The following CHN1 variants were observed in gnomAD, a reference collection of about 807,000 sequenced individuals.
CHN1 encodes N-chimaerin.
A neutral mutation model predicts 59.5 loss-of-function variants in CHN1; 37 were observed. The observed-to-expected ratio is 0.62, with a 90% confidence interval of 0.48 to 0.82. The LOEUF is 0.82. CHN1 is among the 40% of genes least tolerant of loss of function. CHN1 has a pLI of 0.00. For synonymous variants in CHN1, 206 were observed against 200.4 expected, an observed-to-expected ratio of 1.03 and a Z score of -0.24; for missense variants, 469 against 571.0, an observed-to-expected ratio of 0.82 and a Z score of 1.82.
intron 1 of CHN1, among the ~76,000 whole-genome samples, chr2:174,978,281 T>C (rs1691018607): frequency 6.6e-6 from 1 of 152,208 alleles, no homozygotes; most frequent in Non-Finnish European, 1.5e-5. Flanking sequence ...TTCATGACAA[T>C]GACATCTTTT....
chr2:174,805,489 T>C (rs1684855543), intron 11 of CHN1, among the ~76,000 whole-genome samples: 1 of 152,156 alleles, frequency 6.6e-6, no homozygotes, highest in Non-Finnish European at 1.5e-5. Flanking sequence ...TTAAAAGGGA[T>C]TCCGGTGAAG....
intron 1 of CHN1, among the ~76,000 whole-genome samples, chr2:174,982,058 T>C (rs1282853439): frequency 6.6e-6 from 1 of 152,172 alleles, no homozygotes; most frequent in African/African-American, 2.4e-5. Context: ...TTGGTTTTTT[T>C]GTCCTTGCGA....
chr2:174,887,561 A>C (rs370564884), intron 5 of CHN1, among the ~76,000 whole-genome samples: 7 of 152,298 alleles, frequency 4.6e-5, no homozygotes, highest in African/African-American at 1.7e-4. Context: ...TAACTTGCCT[A>C]AAGTCATATA....
chr2:174,847,554 G>A, intron 6 of CHN1: 3 of 1,259,240 alleles, frequency 2.4e-6, no homozygotes, highest in Non-Finnish European at 3.1e-6. Context: ...CATACTGCCT[G>A]CAATCAGTTT....
At chr2:174,873,324 T>A (rs1687466885) in intron 6 of CHN1, among the ~76,000 whole-genome samples, 2 of 152,034 alleles carry the variant, frequency 1.3e-5, no homozygotes. Flanking sequence ...AAGCATAGCT[T>A]GAGCATGAAC....
intron 1 of CHN1, among the ~76,000 whole-genome samples, chr2:174,984,456 C>T (rs1005356242): frequency 6.6e-6 from 1 of 150,634 alleles, no homozygotes; most frequent in Non-Finnish European, 1.5e-5. Context: ...GCAACCTCTG[C>T]CTCTCCGGTT....
intron 5 of CHN1, among the ~76,000 whole-genome samples, chr2:174,879,172 G>A (rs1687661490): frequency 6.6e-6 from 1 of 152,094 alleles, no homozygotes; most frequent in African/African-American, 2.4e-5. Context: ...TAAAATAAAC[G>A]CTGTTTAAGT....
rs143460885 is a variant in CHN1 at position 174,815,936 on chromosome 2, T to A, written c.713-3454A>T. ...TTACAAAGTTTTTTTTAAATGCTAC[T>A]GCAGTGCTATTGTGCCTGCCCCACT... On this transcript the variant is annotated intron_variant, in intron 8 of 12. Transcript: ENST00000409900. 4.4e-3 allele frequency among the ~76,000 whole-genome samples: 676 copies of A among 152,312 alleles called. 6 individuals are homozygous for A. Among genetic ancestry groups the A allele is most frequent in the African/African-American group, 0.015 (637 of 41,572 alleles).
chr2:174,890,465 G>C (rs1451234050), intron 5 of CHN1, among the ~76,000 whole-genome samples: 1 of 152,160 alleles, frequency 6.6e-6, no homozygotes. Flanking sequence ...GGCTGAGGCA[G>C]AAGCATCATT....
intron 4 of CHN1, among the ~76,000 whole-genome samples, chr2:174,916,531 G>T (rs988024308): frequency 3.9e-5 from 6 of 152,120 alleles, no homozygotes; most frequent in African/African-American, 1.4e-4. Context: ...ACTTGAATTT[G>T]GAATGATACA....
chr2:175,002,945 A>G (rs552370944), intron 1 of CHN1, among the ~76,000 whole-genome samples: 26 of 152,316 alleles, frequency 1.7e-4, no homozygotes, highest in Admixed American at 1.3e-3. Flanking sequence ...ATCTCTCAAC[A>G]TACACAAAAA....
intron 6 of CHN1, among the ~76,000 whole-genome samples, chr2:174,863,079 C>T (rs1280730600): frequency 6.6e-6 from 1 of 152,180 alleles, no homozygotes; most frequent in East Asian, 1.9e-4. Flanking sequence ...CCACCCTAAA[C>T]TTGACAGCTT....
chr2:174,986,112 G>A (rs1014786338), intron 1 of CHN1, among the ~76,000 whole-genome samples: 1 of 151,970 alleles, frequency 6.6e-6, no homozygotes, highest in East Asian at 1.9e-4. Flanking sequence ...TAGCCAAACC[G>A]TCACACTGGA....
intron 3 of CHN1, 96 bp downstream of exon 3, chr2:174,944,792 G>T: frequency 1.3e-6 from 1 of 764,044 alleles, no homozygotes; most frequent in Non-Finnish European, 2.2e-6. Flanking sequence ...GTGTTAAGTG[G>T]TTAATCTCAC....
At chr2:174,929,577 C>CAA (rs5836479) in intron 3 of CHN1, among the ~76,000 whole-genome samples, 3 of 143,302 alleles carry the variant, frequency 2.1e-5, no homozygotes, top group African/African-American at 7.6e-5. Context: ...GACTCTATTT[C>CAA]AAAAAAAAAA....
intron 1 of CHN1, among the ~76,000 whole-genome samples, chr2:174,973,493 G>A (rs540135566): frequency 4.6e-5 from 7 of 152,264 alleles, no homozygotes; most frequent in Admixed American, 2.0e-4. Flanking sequence ...TAAGTTCTGG[G>A]ATATTTTCTA....
intron 5 of CHN1, among the ~76,000 whole-genome samples, chr2:174,880,497 A>G (rs904103366): frequency 2.0e-5 from 3 of 152,172 alleles, no homozygotes; most frequent in Admixed American, 2.0e-4. Context: ...ATCTTTGAGA[A>G]AGGTGGGAAT....
At chr2:174,902,295 A>T (rs1010774093) in intron 5 of CHN1, among the ~76,000 whole-genome samples, 6 of 152,114 alleles carry the variant, frequency 3.9e-5, no homozygotes, top group African/African-American at 1.4e-4. Flanking sequence ...GCCATTTCCT[A>T]CTGTGTCACA....
intron 1 of CHN1, among the ~76,000 whole-genome samples, chr2:174,979,830 G>C (rs546870826): frequency 8.0e-4 from 122 of 152,120 alleles, no homozygotes; most frequent in Admixed American, 2.3e-3. Context: ...GCAGTGAGGT[G>C]AGATCACACC....
Sources: allele counts gnomAD v4.1 joint callset (sites outside exome capture counted in the v4.1 genomes callset), GRCh38; gene constraint gnomAD v4.1.1; transcripts MANE v1.5; gene names NCBI Gene and HGNC (gene_info 2026-07-23, HGNC 2026-07-21).